The following HNF4G variants were observed in gnomAD, a reference collection of about 807,000 sequenced individuals.
HNF4G encodes the protein hepatocyte nuclear factor 4-gamma.
Under a neutral mutation model 50.9 loss-of-function variants are expected in HNF4G, and 21 were observed. The observed-to-expected ratio is 0.41, with a 90% CI of 0.29 to 0.59. HNF4G has a LOEUF of 0.59. Among genes scored for constraint, HNF4G ranks in the 20% least tolerant of loss-of-function variants. HNF4G has a pLI of 0.26. For missense variants in HNF4G, 527 were observed against 559.4 expected (o/e 0.94, Z 0.58); for synonymous variants, 198 against 185.6 (o/e 1.07, Z -0.54).
chr8:75,508,475 T>C (rs57258284), intron 2 of HNF4G, among the ~76,000 whole-genome samples: 3,325 of 152,198 alleles, frequency 0.022, 126 homozygotes, highest in African/African-American at 0.076. Flanking sequence ...AATAACTGTA[T>C]GAAAAATTTA....
At chr8:75,465,790 G>A (rs557345093) in intron 1 of HNF4G, among the ~76,000 whole-genome samples, 13 of 152,198 alleles carry the variant, frequency 8.5e-5, no homozygotes, top group African/African-American at 3.1e-4. Flanking sequence ...TATTTTCAAA[G>A]TTTACCAGGA....
chr8:75,440,746 A>G (rs1352883055), intron 1 of HNF4G, among the ~76,000 whole-genome samples: 1 of 152,246 alleles, frequency 6.6e-6, no homozygotes, highest in Non-Finnish European at 1.5e-5. Context: ...ATGTTAAATT[A>G]TAAATTTTAA....
intron 2 of HNF4G, among the ~76,000 whole-genome samples, chr8:75,491,517 C>G (rs1812628536): frequency 6.6e-6 from 1 of 151,524 alleles, no homozygotes; most frequent in African/African-American, 2.4e-5. Flanking sequence ...CTCTGTTGCC[C>G]AGGCTGGAGT....
At chr8:75,528,659 C>G (rs1806244564) in intron 2 of HNF4G, among the ~76,000 whole-genome samples, 2 of 152,176 alleles carry the variant, frequency 1.3e-5, no homozygotes, top group Admixed American at 6.5e-5. Flanking sequence ...AGAATGAGTT[C>G]AGATGGGTCT....
chr8:75,423,703 C>T (rs1810826039), intron 1 of HNF4G, among the ~76,000 whole-genome samples: 1 of 148,566 alleles, frequency 6.7e-6, no homozygotes, highest in South Asian at 2.2e-4. Context: ...TATGACTATT[C>T]TTAATTATAA....
chr8:75,496,954 C>T lies in HNF4G; in HGVS notation c.-24+6746C>T, dbSNP rs549770761. ...ACTAGATTTAGAAACATTATCTTAACAACAAAATGCAAATTTTGTTGCAGA... is the reference window on the plus strand; with the variant it reads ...ACTAGATTTAGAAACATTATCTTAATAACAAAATGCAAATTTTGTTGCAGA... On this transcript the variant is annotated intron_variant, in intron 2 of 10. Coordinates refer to the HNF4G transcript ENST00000354370. Among the ~76,000 whole-genome samples the T allele has an allele frequency of 4.5e-4, 68 of 152,174 alleles. 1 individual carries two copies. Among genetic ancestry groups the T allele is most frequent in the African/African-American group, 1.6e-3 (66 of 41,516 alleles).
chr8:75,551,341 T>C (rs748217208), intron 3 of HNF4G, 47 bp from the exon 4 acceptor site: 2 of 1,071,460 alleles, frequency 1.9e-6, no homozygotes, highest in South Asian at 1.3e-5. Flanking sequence ...TATTCTAACA[T>C]ACACTAAAGA....
intron 1 of HNF4G, among the ~76,000 whole-genome samples, chr8:75,440,429 C>G (rs1189415020): frequency 6.6e-6 from 1 of 152,126 alleles, no homozygotes; most frequent in Non-Finnish European, 1.5e-5. Flanking sequence ...GAATTTTTAG[C>G]TTTAACAACA....
At chr8:75,559,148 G>T in intron 8 of HNF4G, 111 bp downstream of exon 8, 1 of 762,152 alleles carries the variant, frequency 1.3e-6, no homozygotes, top group Non-Finnish European at 2.2e-6. Flanking sequence ...TTGCTGTGAT[G>T]CTCCTGAATT....
At chr8:75,513,100 T>C (rs572688028) in intron 2 of HNF4G, among the ~76,000 whole-genome samples, 10 of 151,678 alleles carry the variant, frequency 6.6e-5, no homozygotes, top group African/African-American at 1.9e-4. Context: ...TGCAATGGTG[T>C]GATCTCGGCT....
chr8:75,408,839 G>T (rs1233909715), intron 1 of HNF4G, among the ~76,000 whole-genome samples: 1 of 152,250 alleles, frequency 6.6e-6, no homozygotes, highest in African/African-American at 2.4e-5. Context: ...AAGCTCAAAA[G>T]TGAATGGGAT....
chr8:75,553,233 G>C (rs777284499), intron 5 of HNF4G, 36 bp downstream of exon 5: 3 of 1,555,604 alleles, frequency 1.9e-6, no homozygotes, highest in African/African-American at 2.7e-5. Context: ...CTTTAAAAAT[G>C]CTTCTTGAAC....
intron 2 of HNF4G, among the ~76,000 whole-genome samples, chr8:75,519,182 G>A (rs1260160315): frequency 6.6e-6 from 1 of 152,172 alleles, no homozygotes; most frequent in Non-Finnish European, 1.5e-5. Flanking sequence ...CCTAACAAGA[G>A]TCACCTTTGC....
intron 1 of HNF4G, among the ~76,000 whole-genome samples, chr8:75,464,957 G>A (rs796829559): frequency 3.9e-5 from 6 of 152,304 alleles, no homozygotes; most frequent in African/African-American, 1.4e-4. Flanking sequence ...GTAAAGGGTG[G>A]TAAACCTTGT....
intron 1 of HNF4G, among the ~76,000 whole-genome samples, chr8:75,474,052 A>G (rs752115862): frequency 1.3e-5 from 2 of 152,214 alleles, no homozygotes; most frequent in African/African-American, 4.8e-5. Context: ...GGGATAGTCA[A>G]TAGAGATCTC....
intron 1 of HNF4G, among the ~76,000 whole-genome samples, chr8:75,408,578 T>C (rs1810419625): frequency 6.6e-6 from 1 of 152,184 alleles, no homozygotes; most frequent in African/African-American, 2.4e-5. Context: ...ATCTTCCTAG[T>C]TAACTTTGGG....
Position 75,486,966 on chromosome 8 carries a change from C to T in HNF4G, c.-143-3123C>T, listed in dbSNP as rs550736046. Among the ~76,000 whole-genome samples the T allele has an allele frequency of 4.5e-3, 686 of 152,242 alleles. 7 individuals carry two copies. Among genetic ancestry groups the T allele is most frequent in the African/African-American group, 0.016 (646 of 41,542 alleles). On this transcript the variant is annotated intron_variant, in intron 1 of 10. Transcript: ENST00000354370. ...GCAGTGAGCCGCCATGATCACACCA[C>T]TTGCACTCCAGCATGTGCGACAGAG...
chr8:75,450,931 G>A (rs539440176), intron 1 of HNF4G, among the ~76,000 whole-genome samples: 44 of 152,190 alleles, frequency 2.9e-4, no homozygotes, highest in African/African-American at 8.7e-4. Context: ...TCCACCCTCC[G>A]CCATGGGATG....
At chr8:75,439,474 CATA>C (rs1389960208) in intron 1 of HNF4G, among the ~76,000 whole-genome samples, 1 of 151,936 alleles carries the variant, frequency 6.6e-6, no homozygotes, top group Non-Finnish European at 1.5e-5. Context: ...TAGGACTCAT[CATA>C]ATAATCTAAA....
Sources: gnomAD v4.1 joint callset for allele counts (sites outside exome capture counted in the v4.1 genomes callset) on GRCh38, gnomAD v4.1.1 for gene constraint, MANE v1.5 for transcripts, NCBI Gene and HGNC (gene_info 2026-07-23, HGNC 2026-07-21) for gene names.